The following CSGALNACT1 variants were observed in gnomAD, a reference collection of about 807,000 sequenced individuals.
CSGALNACT1 encodes beta4GalNAcT-1.
A neutral mutation model predicts 51.0 loss-of-function variants in CSGALNACT1; 52 were observed. The ratio of observed to expected loss-of-function variants is 1.02; its 90% CI spans 0.82 to 1.29. The LOEUF (loss-of-function observed/expected upper bound fraction) is 1.29. CSGALNACT1 is among the 50% of genes most tolerant of loss of function. The probability of loss-of-function intolerance (pLI) is 0.00; values close to 1 mark genes in which losing one functional copy is unlikely to be tolerated. For synonymous variants in CSGALNACT1, 341 were observed against 254.4 expected (o/e 1.34, Z -3.24); for missense variants, 935 against 679.2 (o/e 1.38, Z -4.19).
intron 1 of CSGALNACT1, among the ~76,000 whole-genome samples, chr8:19,653,074 A>C (rs2057958235): frequency 6.6e-6 from 1 of 152,124 alleles, no homozygotes; most frequent in Non-Finnish European, 1.5e-5. Flanking sequence ...AACTGATGAA[A>C]ACTGAACCCA....
At chr8:19,663,818 A>G (rs1437238640) in intron 1 of CSGALNACT1, among the ~76,000 whole-genome samples, 2 of 152,252 alleles carry the variant, frequency 1.3e-5, no homozygotes, top group Non-Finnish European at 2.9e-5. Flanking sequence ...CCAGATAGAT[A>G]ATGCAGCCCT....
At chr8:19,535,324 C>T (rs913312927) in intron 3 of CSGALNACT1, among the ~76,000 whole-genome samples, 9 of 152,126 alleles carry the variant, frequency 5.9e-5, no homozygotes, top group African/African-American at 1.9e-4. Flanking sequence ...CAAGATGTCC[C>T]TTAAGCTATT....
At chr8:19,473,251 A>G (rs2068628263) in intron 4 of CSGALNACT1, among the ~76,000 whole-genome samples, 1 of 152,140 alleles carries the variant, frequency 6.6e-6, no homozygotes, top group African/African-American at 2.4e-5. Flanking sequence ...TTGCTAGAGG[A>G]TTTTTTTGAT....
intron 1 of CSGALNACT1, among the ~76,000 whole-genome samples, chr8:19,680,928 T>A (rs1457534229): frequency 6.6e-6 from 1 of 152,156 alleles, no homozygotes; most frequent in African/African-American, 2.4e-5. Flanking sequence ...TATGCCCCAT[T>A]ATCTTATGGG....
At chr8:19,456,263 T>C (rs1272263932) in intron 5 of CSGALNACT1, among the ~76,000 whole-genome samples, 1 of 152,202 alleles carries the variant, frequency 6.6e-6, no homozygotes, top group African/African-American at 2.4e-5. Flanking sequence ...CCAGGAGTCC[T>C]ACAGTGAGGA....
chr8:19,699,730 G>A (rs572547395), intron 1 of CSGALNACT1, among the ~76,000 whole-genome samples: 7 of 152,302 alleles, frequency 4.6e-5, no homozygotes, highest in Middle Eastern at 6.8e-3. Context: ...ACAAAAGAAT[G>A]TGAATCTACC....
chr8:19,577,504 T>C (rs1388009451), intron 3 of CSGALNACT1, among the ~76,000 whole-genome samples: 1 of 151,472 alleles, frequency 6.6e-6, no homozygotes, highest in African/African-American at 2.4e-5. Context: ...AAGGTTATAG[T>C]GATCTGCAAT....
intron 3 of CSGALNACT1, among the ~76,000 whole-genome samples, chr8:19,552,381 T>C (rs2088360692): frequency 6.6e-6 from 1 of 152,154 alleles, no homozygotes; most frequent in African/African-American, 2.4e-5. Context: ...AAAGTGAAAA[T>C]GGGCCACTCC....
intron 1 of CSGALNACT1, among the ~76,000 whole-genome samples, chr8:19,624,188 T>TA (rs2054171178): frequency 6.6e-6 from 1 of 152,224 alleles, no homozygotes; most frequent in Non-Finnish European, 1.5e-5. Context: ...ATCTACCATC[T>TA]ACTACCTCTG....
chr8:19,486,031 G>A (rs967335545), intron 4 of CSGALNACT1, among the ~76,000 whole-genome samples: 1 of 151,688 alleles, frequency 6.6e-6, no homozygotes, highest in South Asian at 2.1e-4. Context: ...CTCCCGAAGT[G>A]CTGGGATTAC....
At chr8:19,707,186 A>G (rs938210679) in intron 1 of CSGALNACT1, among the ~76,000 whole-genome samples, 2 of 152,168 alleles carry the variant, frequency 1.3e-5, no homozygotes, top group Non-Finnish European at 2.9e-5. Context: ...TGAAAACACC[A>G]ACAGTGTCCA....
At chr8:19,735,240 T>C (rs1589755662) in intron 1 of CSGALNACT1, among the ~76,000 whole-genome samples, 1 of 152,134 alleles carries the variant, frequency 6.6e-6, no homozygotes, top group Non-Finnish European at 1.5e-5. Flanking sequence ...CTAATATATA[T>C]AAGGCCTCCT....
At chr8:19,588,259 TATAC>T (rs2047082515) in intron 3 of CSGALNACT1, among the ~76,000 whole-genome samples, 1 of 152,040 alleles carries the variant, frequency 6.6e-6, no homozygotes, top group Admixed American at 6.6e-5. Context: ...AACACATATA[TATAC>T]ATACACACCA....
intron 3 of CSGALNACT1, among the ~76,000 whole-genome samples, chr8:19,525,090 G>T (rs1190714539): frequency 1.3e-5 from 2 of 152,170 alleles, no homozygotes; most frequent in Non-Finnish European, 2.9e-5. Flanking sequence ...ATTCAGAAAA[G>T]CAAGCATGCC....
chr8:19,457,697 G>A, intron 5 of CSGALNACT1: 1 of 1,320,828 alleles, frequency 7.6e-7, no homozygotes, highest in Non-Finnish European at 9.9e-7. Context: ...ACAAGCTGGT[G>A]AAATCACTTA....
chr8:19,405,121 C>A (rs1322488996), exon 10 of CSGALNACT1: 1 of 452,816 alleles, frequency 2.2e-6, no homozygotes, highest in African/African-American at 2.0e-5. Flanking sequence ...ATTAAATAAG[C>A]AGACTATAAC....
At chr8:19,639,573 G>C (rs1238882465) in intron 1 of CSGALNACT1, among the ~76,000 whole-genome samples, 2 of 152,162 alleles carry the variant, frequency 1.3e-5, no homozygotes, top group African/African-American at 4.8e-5. Context: ...GGACCAGGGA[G>C]GAGATACTCA....
chr8:19,437,801 T>A (rs530798945), intron 6 of CSGALNACT1, among the ~76,000 whole-genome samples: 1 of 152,296 alleles, frequency 6.6e-6, no homozygotes, highest in African/African-American at 2.4e-5. Context: ...TGAAGTGAAT[T>A]GGGTAGATTG....
At chr8:19,518,683 T>G (rs1381137724) in intron 3 of CSGALNACT1, among the ~76,000 whole-genome samples, 1 of 152,218 alleles carries the variant, frequency 6.6e-6, no homozygotes, top group Admixed American at 6.5e-5. Flanking sequence ...TGTGTGTCCG[T>G]GTCCTCAGTT....
Sources: gnomAD v4.1 joint callset for allele counts (sites outside exome capture counted in the v4.1 genomes callset) on GRCh38, gnomAD v4.1.1 for gene constraint, MANE v1.5 for transcripts, NCBI Gene and HGNC (gene_info 2026-07-23, HGNC 2026-07-21) for gene names.